The following BRSK2 variants were observed in gnomAD, a reference collection of about 807,000 sequenced individuals.
BRSK2 encodes serine/threonine-protein kinase BRSK2.
Under a neutral mutation model 83.3 loss-of-function variants are expected in BRSK2, and 19 were observed. The observed-to-expected ratio is 0.23, with a 90% CI of 0.16 to 0.33. The LOEUF (loss-of-function observed/expected upper bound fraction) is 0.33. BRSK2 is among the 10% of genes least tolerant of loss of function. The pLI is 1.00. For synonymous variants in BRSK2, 519 were observed against 435.4 expected (o/e 1.19, Z -2.39); for missense variants, 798 against 1,042.3 (o/e 0.77, Z 3.23).
chr11:1,450,610 G>A lies in BRSK2; in HGVS notation c.1311G>A (p.Arg437=), dbSNP rs1845702689. The A allele has an allele frequency of 1.9e-6, 3 of 1,592,624 alleles. 1 individual carries two copies. The highest frequency in any genetic ancestry group is 2.3e-5 in the South Asian group (2 of 88,720). Residue 437 remains arginine, a synonymous_variant, in exon 14 of 20, where the codon AGG becomes AGA. Transcript: ENST00000528841. The stretch of plus-strand genomic sequence containing the variant: ...AGGTGACCCCTCACCCCTCACCAAG[G>A]GGCAGTCCCCTCCCCACCCCCAAGG... ...SPRVTPHPSP[R]GSPLPTPKGT...
chr11:1,425,982 C>G (rs945117726), intron 1 of BRSK2, among the ~76,000 whole-genome samples: 1 of 152,348 alleles, frequency 6.6e-6, no homozygotes, highest in Middle Eastern at 3.4e-3. Context: ...TTCTGCTGTC[C>G]GGTGTGGTGC....
At chr11:1,410,577 G>T (rs1847366304) in intron 1 of BRSK2, 1 of 985,476 alleles carries the variant, frequency 1.0e-6, no homozygotes, top group South Asian at 4.7e-5. Context: ...AGGCTCTCTG[G>T]TCCCCGGGAG....
chr11:1,450,166 G>A (rs1346280010), intron 13 of BRSK2, among the ~76,000 whole-genome samples: 1 of 151,752 alleles, frequency 6.6e-6, no homozygotes, highest in Admixed American at 6.5e-5. Context: ...GGGGACTGGG[G>A]TGCATGTGCC....
Position 1,461,888 on chromosome 11 carries a change from T to TCG in BRSK2, c.*1166_*1167insGC, listed in dbSNP as rs1554924199. ...GCGGCTCGCTCTGTCATGGGTTCCGTCTCTCTGTGGAGAAGCAGCTCCACC... is the reference window on the plus strand; with the variant it reads ...GCGGCTCGCTCTGTCATGGGTTCCGTCGCTCTCTGTGGAGAAGCAGCTCCACC... On this transcript the variant is annotated 3_prime_UTR_variant, in exon 20 of 20. Transcript: ENST00000528841. 1 of 7,388 alleles carries TCG rather than the reference T, an allele frequency of 1.4e-4. No homozygotes were observed. Among genetic ancestry groups the TCG allele is most frequent in the African/African-American group, 9.6e-4 (1 of 1,038 alleles). The allele number at this position is 7,388 out of a possible 1,614,324, so 0.5% of individuals were successfully genotyped here. A position where few individuals can be genotyped will look rare whatever the true frequency, so the allele number is the denominator to read the frequency against.
rs562047608 is a variant in BRSK2 at position 1,449,361 on chromosome 11, T to A, written c.1227-415T>A. Reference sequence around the variant, plus strand: ...ATGGAGGACCAGGCTGCAGGCCCTGTGAGAGCTCAGCCAGGGGGGGCTTGG... The same window carrying A: ...ATGGAGGACCAGGCTGCAGGCCCTGAGAGAGCTCAGCCAGGGGGGGCTTGG... On this transcript the variant is annotated intron_variant, in intron 12 of 19. Transcript: ENST00000528841. Among the ~76,000 whole-genome samples the A allele has an allele frequency of 7.0e-3, 1,065 of 152,262 alleles. 16 individuals carry two copies. Among genetic ancestry groups the A allele is most frequent in the African/African-American group, 0.025 (1,029 of 41,548 alleles).
chr11:1,411,415 A>C, intron 1 of BRSK2: 3 of 1,466,266 alleles, frequency 2.0e-6, no homozygotes, highest in Non-Finnish European at 2.7e-6. Context: ...ATGAGCCCTG[A>C]GGGCCACCCC....
chr11:1,447,676 C>G, intron 12 of BRSK2: 1 of 878,074 alleles, frequency 1.1e-6, no homozygotes, highest in South Asian at 1.4e-5. Context: ...CTCTCGCCAT[C>G]TTTGTGCAGC....
intron 1 of BRSK2, among the ~76,000 whole-genome samples, chr11:1,420,901 TG>T (rs35319742): frequency 6.6e-6 from 1 of 152,166 alleles, no homozygotes; most frequent in African/African-American, 2.4e-5. Context: ...GAGCCTCTCA[TG>T]GGGAGGGGCC....
At chr11:1,401,791 C>T (rs1846496750) in intron 1 of BRSK2, among the ~76,000 whole-genome samples, 1 of 152,250 alleles carries the variant, frequency 6.6e-6, no homozygotes, top group Non-Finnish European at 1.5e-5. Flanking sequence ...TGTCCAGCAC[C>T]AGCCGTGCTG....
At chr11:1,401,754 C>T (rs757847062) in intron 1 of BRSK2, among the ~76,000 whole-genome samples, 11 of 152,224 alleles carry the variant, frequency 7.2e-5, no homozygotes, top group Non-Finnish European at 1.3e-4. Flanking sequence ...ATGCCCTGTT[C>T]GGGAGGCGGA....
intron 1 of BRSK2, among the ~76,000 whole-genome samples, chr11:1,415,094 CTTT>C (rs34102200): frequency 2.3e-5 from 3 of 128,620 alleles, no homozygotes; most frequent in Non-Finnish European, 3.2e-5. Flanking sequence ...CTGTCTTTAC[CTTT>C]TTTTTTTTTT....
intron 5 of BRSK2, 32 bp from the exon 6 acceptor site, chr11:1,443,073 AG>A (rs1564851191): frequency 6.6e-7 from 1 of 1,526,066 alleles, no homozygotes; most frequent in Non-Finnish European, 8.8e-7. Flanking sequence ...CAGCGCCCGG[AG>A]CCCCGCCGCT....
intron 15 of BRSK2, among the ~76,000 whole-genome samples, chr11:1,451,759 A>G (rs1175840768): frequency 2.0e-5 from 3 of 152,242 alleles, no homozygotes; most frequent in Non-Finnish European, 2.9e-5. Context: ...TCTCAAGGAG[A>G]AAGCAGCCCG....
In BRSK2 at chr11:1,461,916, T is replaced by TGG. The variant is rs1016487926; in HGVS notation, c.*1199_*1200dup. 6.6e-6 allele frequency: 1 copy of TGG among 151,608 alleles called. No homozygotes were observed. Among genetic ancestry groups the TGG allele is most frequent in the African/African-American group, 2.4e-5 (1 of 41,220 alleles). The allele number at this position is 151,608 out of a possible 1,614,324, so 9.4% of individuals were successfully genotyped here. Reference sequence around the variant, plus strand: ...CTCTGTGGAGAAGCAGCTCCACCTCTGGGGGGGCTCGGGGCAGAGGGGCGG... The same window carrying TGG: ...CTCTGTGGAGAAGCAGCTCCACCTCTGGGGGGGGGCTCGGGGCAGAGGGGCGG... On this transcript the variant is annotated 3_prime_UTR_variant, in exon 20 of 20. Transcript: ENST00000528841.
intron 1 of BRSK2, among the ~76,000 whole-genome samples, chr11:1,420,134 G>A (rs558114013): frequency 2.8e-4 from 42 of 152,232 alleles, no homozygotes; most frequent in Non-Finnish European, 4.0e-4. Context: ...CTCGGTGTCC[G>A]TGCATGCATG....
rs552044637 is a variant in BRSK2, at chr11:1,403,057, G to T, written c.91+12682G>T. ...GCGGGACCCCCCGGGGCCACCACGG[G>T]GTAGGTGCCTGGCTGCAGGCCTCTG... On this transcript the variant is annotated intron_variant, in intron 1 of 19. Coordinates refer to ENST00000528841, the MANE Select transcript of BRSK2 (RefSeq NM_001256627.2). 1.2e-4 allele frequency among the ~76,000 whole-genome samples: 19 copies of T among 152,284 alleles called. 1 individual carries two copies. The East Asian group carries it at 3.5e-3, about 28-fold the overall frequency.
At chr11:1,452,891 C>T (rs1190592042) in intron 15 of BRSK2, among the ~76,000 whole-genome samples, 1 of 152,232 alleles carries the variant, frequency 6.6e-6, no homozygotes, top group African/African-American at 2.4e-5. Context: ...ACCCCCAGCC[C>T]CAGCTGCTGC....
At chr11:1,447,316 G>A (rs1402416706) in intron 12 of BRSK2, among the ~76,000 whole-genome samples, 2 of 152,174 alleles carry the variant, frequency 1.3e-5, no homozygotes, top group East Asian at 3.9e-4. Context: ...GACCCTGCAG[G>A]GCAGGCCCCA....
In BRSK2 at chr11:1,436,100, A is replaced by G; in HGVS notation, c.152A>G (p.Asn51Ser). The change falls in exon 2 of 20, where the codon AAC (asparagine) becomes AGC (serine). Residue 51 changes from asparagine (N) to serine (S), a missense_variant. Transcript: ENST00000528841. ...TCQKVAIKIVNREKLSESVLM... is the reference protein window; with the variant it reads ...TCQKVAIKIVSREKLSESVLM... ...CAGAAGGTGGCCATCAAGATCGTCA[A>G]CCGTGAGAAGCTCAGCGAGTCGGTG... 1.9e-6 allele frequency: 3 copies of G among 1,553,108 alleles called. No individual in the cohort carries two copies. The highest frequency in any genetic ancestry group is 2.6e-6 in the Non-Finnish European group (3 of 1,145,170).
Sources: gnomAD v4.1 joint callset for allele counts (sites outside exome capture counted in the v4.1 genomes callset) on GRCh38, gnomAD v4.1.1 for gene constraint, MANE v1.5 for transcripts, NCBI Gene and HGNC (gene_info 2026-07-23, HGNC 2026-07-21) for gene names.